RPP14: variants seen among roughly 807,000 people sequenced by gnomAD.
RPP14 encodes the protein ribonuclease P/MRP subunit p14.
In RPP14, 19 loss-of-function variants were observed where a neutral mutation model predicts 17.8. That is an observed-to-expected ratio of 1.07 (90% confidence interval 0.74 to 1.57). RPP14 has a LOEUF of 1.57. Among genes scored for constraint, RPP14 ranks in the 40% most tolerant of loss-of-function variants. The pLI, the probability that RPP14 is intolerant of heterozygous loss-of-function variation, is 0.00. For synonymous variants in RPP14, 60 were observed against 56.4 expected, an observed-to-expected ratio of 1.06 and a Z score of -0.29; for missense variants, 125 against 140.8, an observed-to-expected ratio of 0.89 and a Z score of 0.57.
rs994119587 is a variant in RPP14 at position 58,318,915 on chromosome 3, C to T, written c.*1419C>T. The T allele has an allele frequency of 2.6e-5, 4 of 151,782 alleles. No individual in the cohort carries two copies. Among genetic ancestry groups the T allele is most frequent in the African/African-American group, 9.7e-5 (4 of 41,240 alleles). 9.4% of individuals were successfully genotyped at this position (151,782 alleles called of 1,614,324 possible). A position where few individuals can be genotyped will look rare whatever the true frequency, so the allele number is the denominator to read the frequency against. On this transcript the variant is annotated 3_prime_UTR_variant, in exon 6 of 6. Coordinates refer to ENST00000295959, the MANE Select transcript of RPP14 (RefSeq NM_007042.6). ...TTGGGAGGCTGAGGCAGGAGAATCT[C>T]TTGAACCTGGGAGGTTGCAGTGAGC...
At chr3:58,311,062 A>G (rs780024358) in intron 3 of RPP14, among the ~76,000 whole-genome samples, 3 of 150,618 alleles carry the variant, frequency 2.0e-5, no homozygotes, top group Non-Finnish European at 2.9e-5. Context: ...TTCCTCCTTC[A>G]TCCTCTCTAC....
intron 1 of RPP14, among the ~76,000 whole-genome samples, chr3:58,309,148 C>G (rs1224064119): frequency 1.3e-5 from 2 of 152,176 alleles, no homozygotes; most frequent in African/African-American, 4.8e-5. Flanking sequence ...ACGACCATCC[C>G]TCATTCTTCT....
chr3:58,312,518 A>G (rs1259108200), intron 3 of RPP14, among the ~76,000 whole-genome samples: 1 of 152,166 alleles, frequency 6.6e-6, no homozygotes, highest in Non-Finnish European at 1.5e-5. Context: ...GGTTTATTCT[A>G]ATATGCCTTC....
intron 3 of RPP14, among the ~76,000 whole-genome samples, chr3:58,314,552 AGAAT>A (rs2097486165): frequency 6.6e-6 from 1 of 152,196 alleles, no homozygotes; most frequent in East Asian, 1.9e-4. Context: ...TGTACCTAGC[AGAAT>A]GACTGAAATA....
In RPP14 at chr3:58,319,805, T is replaced by G. The variant is rs2097492599; in HGVS notation, c.*2309T>G. ...CACTTTTGTTTCCCATTTTTTTTTG[T>G]TTCCCGTTTTTTAATAAAATTGAGA... On this transcript the variant is annotated 3_prime_UTR_variant, in exon 6 of 6. Coordinates refer to ENST00000295959, the MANE Select transcript of RPP14 (RefSeq NM_007042.6). 6.6e-6 allele frequency: 1 copy of G among 152,086 alleles called. No homozygotes were observed. Among genetic ancestry groups the G allele is most frequent in the Non-Finnish European group, 1.5e-5 (1 of 68,024 alleles). 9.4% of individuals were successfully genotyped at this position (152,086 alleles called of 1,614,324 possible).
Position 58,317,616 on chromosome 3 carries a change from G to T in RPP14, c.*120G>T. 1.3e-6 allele frequency: 1 copy of T among 768,294 alleles called. No homozygotes were observed. Among genetic ancestry groups the T allele is most frequent in the South Asian group, 1.4e-5 (1 of 69,738 alleles). The allele number at this position is 768,294 out of a possible 1,614,324, so 47.6% of individuals were successfully genotyped here. A position where few individuals can be genotyped will look rare whatever the true frequency, so the allele number is the denominator to read the frequency against. On this transcript the variant is annotated 3_prime_UTR_variant, in exon 6 of 6. Coordinates refer to ENST00000295959, the MANE Select transcript of RPP14 (RefSeq NM_007042.6). ...GATGAAATTTGAGGGTGCTGAAGAT[G>T]TTCCCACTAATTTCCAGCCATCACC...
chr3:58,308,767 G>A (rs2097478580), intron 1 of RPP14, among the ~76,000 whole-genome samples: 2 of 151,292 alleles, frequency 1.3e-5, no homozygotes, highest in Admixed American at 1.3e-4. Context: ...CTGTAGTGGG[G>A]GATCCATATA....
chr3:58,311,136 T>TTTG (rs144147590), intron 3 of RPP14, among the ~76,000 whole-genome samples: 56 of 150,228 alleles, frequency 3.7e-4, no homozygotes, highest in Non-Finnish European at 5.2e-4. Flanking sequence ...AAATCTACTT[T>TTTG]TTGTTGTTGT....
At chr3:58,309,926 C>T (rs35580931) in intron 1 of RPP14, 2,734 of 170,870 alleles carry the variant, frequency 0.016, 37 homozygotes, top group Non-Finnish European at 0.02. Context: ...AAGGCCGGGC[C>T]TGGTGGCTCA....
chr3:58,319,771 C>G lies in RPP14; in HGVS notation c.*2275C>G, dbSNP rs2097492534. The stretch of plus-strand genomic sequence containing the variant: ...TGTTACTACTAAATGGCCATCCCAA[C>G]ACAGCCAACACTTTTGTTTCCCATT... On this transcript the variant is annotated 3_prime_UTR_variant, in exon 6 of 6. Transcript: ENST00000295959. 6.6e-6 allele frequency: 1 copy of G among 152,034 alleles called. No homozygotes were observed. The highest frequency in any genetic ancestry group is 1.5e-5 in the Non-Finnish European group (1 of 68,018). 9.4% of individuals were successfully genotyped at this position (152,034 alleles called of 1,614,324 possible). A position where few individuals can be genotyped will look rare whatever the true frequency, so the allele number is the denominator to read the frequency against.
At position 58,320,140 on chromosome 3, in the gene RPP14, T is replaced by A. The variant is rs1334853030; in HGVS notation, c.*2644T>A. 1.3e-5 allele frequency: 2 copies of A among 152,196 alleles called. No individual in the cohort carries two copies. The highest frequency in any genetic ancestry group is 4.8e-5 in the African/African-American group (2 of 41,450). The allele number at this position is 152,196 out of a possible 1,614,324, so 9.4% of individuals were successfully genotyped here. A position where few individuals can be genotyped will look rare whatever the true frequency, so the allele number is the denominator to read the frequency against. ...GGGTTCATCCATGTTACAGCATGTA[T>A]CAGTACATCATTTTATTTTATGGCT... is the stretch of plus-strand genomic sequence containing the variant. On this transcript the variant is annotated 3_prime_UTR_variant, in exon 6 of 6. Transcript: ENST00000295959.
At chr3:58,313,767 A>G (rs554547792) in intron 3 of RPP14, among the ~76,000 whole-genome samples, 157 of 152,280 alleles carry the variant, frequency 1.0e-3, no homozygotes, top group Non-Finnish European at 1.8e-3. Context: ...CAAGGTTGCA[A>G]TGAGTGGTGA....
At chr3:58,309,142 C>A (rs891891584) in intron 1 of RPP14, among the ~76,000 whole-genome samples, 3 of 152,208 alleles carry the variant, frequency 2.0e-5, no homozygotes, top group African/African-American at 7.2e-5. Flanking sequence ...GGCAGAACGA[C>A]CATCCCTCAT....
At chr3:58,309,539 G>A (rs1489740106) in intron 1 of RPP14, among the ~76,000 whole-genome samples, 1 of 152,164 alleles carries the variant, frequency 6.6e-6, no homozygotes, top group African/African-American at 2.4e-5. Context: ...TTTTGTATTC[G>A]TATGGGTAAC....
chr3:58,308,182 C>T (rs551323493), intron 1 of RPP14, among the ~76,000 whole-genome samples: 6 of 152,276 alleles, frequency 3.9e-5, no homozygotes, highest in African/African-American at 1.4e-4. Flanking sequence ...GTAACTATTT[C>T]CGCTGTCCTG....
rs2097481167 is a variant in RPP14, at chr3:58,310,611, A to G, written c.162+20A>G. ...GGGGAGGTATGGAATCACTTGGTAG[A>G]TTGAACATTCCAAAGATCTTTGTAA... On this transcript the variant is annotated intron_variant, in intron 3 of 5. Coordinates refer to ENST00000295959, the MANE Select transcript of RPP14 (RefSeq NM_007042.6). 3.1e-6 allele frequency: 5 copies of G among 1,587,316 alleles called. No homozygotes were observed. The South Asian group carries it at 3.4e-5, about 11-fold the overall frequency.
In RPP14 at chr3:58,310,170, G is replaced by A. The variant is rs892269827; in HGVS notation, c.-21-139G>A. On this transcript the variant is annotated intron_variant, in intron 1 of 5. Transcript: ENST00000295959. ...TGCAGTGAACTCTGATTGTACCACT[G>A]CACTTCAGCCTAGGTGACAGGGTGA... 4.9e-6 allele frequency: 3 copies of A among 608,706 alleles called. No individual in the cohort carries two copies. In the African/African-American group the frequency reaches 6.0e-5, roughly 12 times the overall value. The allele number at this position is 608,706 out of a possible 1,614,324, so 37.7% of individuals were successfully genotyped here.
At chr3:58,314,641 A>ATT (rs1218063701) in intron 3 of RPP14, among the ~76,000 whole-genome samples, 1 of 150,548 alleles carries the variant, frequency 6.6e-6, no homozygotes, top group Non-Finnish European at 1.5e-5. Context: ...AGTATGTAAA[A>ATT]TGGTGCAGCC....
At chr3:58,315,252 A>G (rs560050371) in intron 3 of RPP14, among the ~76,000 whole-genome samples, 66 of 152,318 alleles carry the variant, frequency 4.3e-4, no homozygotes, top group Non-Finnish European at 7.5e-4. Flanking sequence ...ATGAATCTCC[A>G]GAGAATTATG....
Sources: allele counts gnomAD v4.1 joint callset (sites outside exome capture counted in the v4.1 genomes callset), GRCh38; gene constraint gnomAD v4.1.1; transcripts MANE v1.5; gene names NCBI Gene and HGNC (gene_info 2026-07-23, HGNC 2026-07-21).